The following ARNT variants were observed in gnomAD, a reference collection of about 807,000 sequenced individuals.
ARNT encodes class E basic helix-loop-helix protein 2.
ARNT carries 30 observed loss-of-function variants against 105.0 expected under a neutral mutation model. The ratio of observed to expected loss-of-function variants is 0.29; its 90% CI spans 0.21 to 0.39. The LOEUF (loss-of-function observed/expected upper bound fraction) is 0.39. Ranked by LOEUF, ARNT falls within the 10% of genes least tolerant of loss-of-function variation. The pLI, the probability that ARNT is intolerant of heterozygous loss-of-function variation, is 1.00. For missense variants in ARNT, 748 were observed against 978.7 expected (o/e 0.76, Z 3.15); for synonymous variants, 304 against 344.0 (o/e 0.88, Z 1.29).
chr1:150,873,194 C>G (rs1667739665), intron 1 of ARNT, among the ~76,000 whole-genome samples: 1 of 151,086 alleles, frequency 6.6e-6, no homozygotes. Context: ...GAGGCTGAGG[C>G]AGGAGAATGG....
Position 150,810,410 on chromosome 1 carries a change from T to C in ARNT, c.*1611A>G. 1 of 222,030 alleles carries C rather than the reference T, an allele frequency of 4.5e-6. No individual in the cohort carries two copies. 13.8% of individuals were successfully genotyped at this position (222,030 alleles called of 1,614,324 possible). On this transcript the variant is annotated 3_prime_UTR_variant, in exon 22 of 22. Coordinates refer to ENST00000358595, the MANE Select transcript of ARNT (RefSeq NM_001668.4). ...TTTCGTAAATTGTGATATAAATATA[T>C]ATGTATACTGTAAGTGTGCACATAG...
intron 13 of ARNT, among the ~76,000 whole-genome samples, chr1:150,825,023 G>A (rs963780112): frequency 4.0e-5 from 6 of 151,378 alleles, no homozygotes; most frequent in Non-Finnish European, 7.4e-5. Context: ...CACCATACCC[G>A]GCTAATTTTT....
chr1:150,816,348 T>G lies in ARNT; in HGVS notation c.1861A>C (p.Met621Leu). 6.2e-7 allele frequency: 1 copy of G among 1,609,436 alleles called. No homozygotes were observed. The highest frequency in any genetic ancestry group is 8.5e-7 in the Non-Finnish European group (1 of 1,178,704). Residue 621 changes from methionine to leucine, a missense_variant, in exon 19 of 22, where the codon ATG becomes CTG. Coordinates refer to ENST00000358595, the MANE Select transcript of ARNT (RefSeq NM_001668.4). ...GAGTGGCGGGAAATCTGGGCCAACA[T>G]CTGTCCTGCAGAAGCTGATGGCTGG... ...IVQPSASAGQ[M>L]LAQISRHSNP...
chr1:150,816,289 G>C lies in ARNT; in HGVS notation c.1920C>G (p.Thr640=), dbSNP rs758403177. 1 of 1,607,578 alleles carries C rather than the reference G, an allele frequency of 6.2e-7. No individual in the cohort carries two copies. The highest frequency in any genetic ancestry group is 8.5e-7 in the Non-Finnish European group (1 of 1,178,146). The part of the protein sequence containing the change: ...NPTQGATPTW[T]PTTRSGFSAQ... The stretch of plus-strand genomic sequence containing the variant: ...CAGAAAAGCCTGAGCGGGTAGTAGG[G>C]GTCCAAGTTGGGGTTGCTCCTTGGG... The change falls in exon 19 of 22, where the codon ACC becomes ACG. Residue 640 remains threonine, a synonymous_variant. Transcript: ENST00000358595.
chr1:150,868,831 G>A (rs1667009202), intron 1 of ARNT, among the ~76,000 whole-genome samples: 1 of 152,054 alleles, frequency 6.6e-6, no homozygotes, highest in Non-Finnish European at 1.5e-5. Flanking sequence ...CCGGGAGGCA[G>A]AGGTTGCAGT....
At chr1:150,814,820 G>C (rs908341123) in intron 19 of ARNT, among the ~76,000 whole-genome samples, 2 of 151,174 alleles carry the variant, frequency 1.3e-5, no homozygotes, top group Non-Finnish European at 1.5e-5. Context: ...TCTAGCCTGG[G>C]CAACAGCGAG....
At chr1:150,846,836 T>C (rs1041120395) in intron 3 of ARNT, among the ~76,000 whole-genome samples, 4 of 152,230 alleles carry the variant, frequency 2.6e-5, no homozygotes, top group African/African-American at 9.6e-5. Context: ...ATTTGACTAC[T>C]TGTAGATACC....
In ARNT at chr1:150,831,797, T is replaced by C. The variant is rs769216355; in HGVS notation, c.955+21A>G. 7.7e-6 allele frequency: 12 copies of C among 1,555,606 alleles called. No individual in the cohort carries two copies. The East Asian group carries it at 9.0e-5, about 12-fold the overall frequency. On this transcript the variant is annotated intron_variant, in intron 10 of 21. Transcript: ENST00000358595. The stretch of plus-strand genomic sequence containing the variant: ...GAACCAACTGTACCAAGGGGAAATA[T>C]TTACTATTTCACTTTCTTACCTGCT...
chr1:150,848,647 G>A (rs1410676816), intron 3 of ARNT, among the ~76,000 whole-genome samples: 1 of 152,060 alleles, frequency 6.6e-6, no homozygotes, highest in South Asian at 2.1e-4. Flanking sequence ...TCCCACCTCA[G>A]CTTCCCGAGT....
chr1:150,837,226 T>G (rs1213135133), intron 6 of ARNT, among the ~76,000 whole-genome samples: 1 of 152,180 alleles, frequency 6.6e-6, no homozygotes, highest in Non-Finnish European at 1.5e-5. Flanking sequence ...AAATCTTCCC[T>G]CAGTTTGACC....
chr1:150,845,976 C>T (rs1662127330), intron 4 of ARNT, among the ~76,000 whole-genome samples: 1 of 152,168 alleles, frequency 6.6e-6, no homozygotes, highest in Non-Finnish European at 1.5e-5. Flanking sequence ...TAAATGCAAG[C>T]ACAAAATCCA....
At chr1:150,865,873 T>G (rs1571506631) in intron 1 of ARNT, among the ~76,000 whole-genome samples, 1 of 152,188 alleles carries the variant, frequency 6.6e-6, no homozygotes, top group East Asian at 1.9e-4. Context: ...AGAAATGCCT[T>G]GGATGTATGA....
At chr1:150,836,242 A>T in intron 7 of ARNT, 38 bp downstream of exon 7, 1 of 1,588,420 alleles carries the variant, frequency 6.3e-7, no homozygotes, top group Non-Finnish European at 8.6e-7. Flanking sequence ...AAAACAAGAA[A>T]GGACTTCTCA....
In ARNT at chr1:150,816,418, T is replaced by C; in HGVS notation, c.1803-12A>G. 6.3e-7 allele frequency: 1 copy of C among 1,596,836 alleles called. No homozygotes were observed. The highest frequency in any genetic ancestry group is 8.5e-7 in the Non-Finnish European group (1 of 1,174,904). ...CTAGGCCACTATTCCTAGGAGTGAA[T>C]AAATGAGGTAAAAGATTAAAAGGAT... On this transcript the variant is annotated splice_polypyrimidine_tract_variant and intron_variant, in intron 18 of 21. Coordinates refer to ENST00000358595, the MANE Select transcript of ARNT (RefSeq NM_001668.4).
At chr1:150,814,341 G>T in intron 19 of ARNT, 102 bp from the exon 20 acceptor site, 1 of 1,128,872 alleles carries the variant, frequency 8.9e-7, no homozygotes, top group Non-Finnish European at 1.3e-6. Context: ...GCATCCTTCT[G>T]AACCAAGCTC....
intron 3 of ARNT, among the ~76,000 whole-genome samples, chr1:150,848,994 G>A (rs1275553089): frequency 1.3e-5 from 2 of 151,472 alleles, no homozygotes; most frequent in East Asian, 2.0e-4. Context: ...ACCTGAGGTC[G>A]GCAGTTCAAG....
chr1:150,815,982 T>C (rs1343825509), intron 19 of ARNT, among the ~76,000 whole-genome samples: 1 of 152,196 alleles, frequency 6.6e-6, no homozygotes, highest in African/African-American at 2.4e-5. Context: ...GGAAACATCT[T>C]AGAATTTACT....
chr1:150,846,320 A>G lies in ARNT; in HGVS notation c.183-13T>C. 6.2e-7 allele frequency: 1 copy of G among 1,613,568 alleles called. No homozygotes were observed. The highest frequency in any genetic ancestry group is 1.1e-5 in the South Asian group (1 of 91,060). On this transcript the variant is annotated splice_polypyrimidine_tract_variant and intron_variant, in intron 3 of 21. Coordinates refer to ENST00000358595, the MANE Select transcript of ARNT (RefSeq NM_001668.4). ...ATCATCATCACACCTGAAGGAGAGA[A>G]AAAGGATTGTTTCAAAGCATTACAC...
chr1:150,833,260 T>C (rs1659666261), intron 8 of ARNT, among the ~76,000 whole-genome samples: 1 of 152,162 alleles, frequency 6.6e-6, no homozygotes, highest in Non-Finnish European at 1.5e-5. Context: ...TCTCAGCACT[T>C]TGGGAGGCTG....
Sources: gnomAD v4.1 joint callset for allele counts (sites outside exome capture counted in the v4.1 genomes callset) on GRCh38, gnomAD v4.1.1 for gene constraint, MANE v1.5 for transcripts, NCBI Gene and HGNC (gene_info 2026-07-23, HGNC 2026-07-21) for gene names.